RBM41: variants seen among roughly 807,000 people sequenced by gnomAD.
The protein encoded by RBM41 is RNA-binding protein 41.
Under a neutral mutation model 30.8 loss-of-function variants are expected in RBM41, and 14 were observed. That is an observed-to-expected ratio of 0.45 (90% CI 0.30 to 0.71). RBM41 has a LOEUF of 0.71. Among genes scored for constraint, RBM41 ranks in the 30% least tolerant of loss-of-function variants. The probability of loss-of-function intolerance (pLI) is 0.08; values close to 1 mark genes in which losing one functional copy is unlikely to be tolerated. For missense variants in RBM41, 276 were observed against 326.3 expected (o/e 0.85, Z 1.19); for synonymous variants, 120 against 110.1 (o/e 1.09, Z -0.56).
At chrX:107,073,591 C>T (rs925104829) in intron 6 of RBM41, among the ~76,000 whole-genome samples, 1 of 111,434 alleles carries the variant, frequency 9.0e-6, no homozygotes, top group African/African-American at 3.3e-5. Context: ...GGTTCCTCAA[C>T]AAACTACAAA....
At chrX:107,077,795 A>AT (rs1455027757) in intron 6 of RBM41, among the ~76,000 whole-genome samples, 1 of 111,695 alleles carries the variant, frequency 9.0e-6, no homozygotes, top group Non-Finnish European at 1.9e-5. Context: ...CTACAGCTAC[A>AT]TTTTTAAAAA....
chrX:107,113,551 G>C, intron 4 of RBM41, 83 bp from the exon 5 acceptor site: 2 of 960,356 alleles, frequency 2.1e-6, no homozygotes, highest in Non-Finnish European at 2.7e-6. Context: ...CCAAATACCA[G>C]GTACTGCTTT....
intron 7 of RBM41, among the ~76,000 whole-genome samples, chrX:107,068,748 A>G (rs201355523): frequency 8.9e-6 from 1 of 111,972 alleles, no homozygotes; most frequent in East Asian, 2.8e-4. Flanking sequence ...TGTCATAGAA[A>G]CTGAAATTTG....
In RBM41 at chrX:107,115,517, G is replaced by A. The variant is rs752220032; in HGVS notation, c.358C>T (p.Arg120Cys). 11 of 1,211,081 alleles carry A rather than the reference G, an allele frequency of 9.1e-6. No homozygotes were observed. In the East Asian group the frequency reaches 1.5e-4, roughly 16 times the overall value. Residue 120 changes from arginine (R) to cysteine (C), a missense_variant, in exon 4 of 8, where the codon CGT becomes TGT. Coordinates refer to ENST00000685964, the MANE Select transcript of RBM41 (RefSeq NM_001324242.2). ...LRATPEAIQN[R>C]LQDIEERISE... ...ATCCTTTCTTCAATATCTTGAAGAC[G>A]GTTCTGTATTGCTTCAGGAGTTGCC... is the stretch of plus-strand genomic sequence containing the variant.
At chrX:107,113,969 C>T (rs1462221365) in intron 4 of RBM41, among the ~76,000 whole-genome samples, 1 of 111,520 alleles carries the variant, frequency 9.0e-6, no homozygotes, top group African/African-American at 3.3e-5. Flanking sequence ...CAACTGTCTC[C>T]TCAACATCTG....
At position 107,062,521 on chromosome X, in the gene RBM41, G is replaced by A. The variant is rs1177441955; in HGVS notation, c.*5006C>T. On this transcript the variant is annotated 3_prime_UTR_variant, in exon 8 of 8. Coordinates refer to ENST00000685964, the MANE Select transcript of RBM41 (RefSeq NM_001324242.2). Reference sequence around the variant, plus strand: ...TTAGAGTGTTAATCCTAAGTGAGCAGTATATCAAAGGAATAGGAGTTTGTC... The same window carrying A: ...TTAGAGTGTTAATCCTAAGTGAGCAATATATCAAAGGAATAGGAGTTTGTC... Among the ~76,000 whole-genome samples, 1 of 111,248 alleles carries A rather than the reference G, an allele frequency of 9.0e-6. No homozygotes were observed. Among genetic ancestry groups the A allele is most frequent in the African/African-American group, 3.3e-5 (1 of 30,585 alleles).
intron 5 of RBM41, among the ~76,000 whole-genome samples, chrX:107,101,885 G>T (rs1288011413): frequency 8.9e-6 from 1 of 111,873 alleles, no homozygotes; most frequent in Non-Finnish European, 1.9e-5. Context: ...GAGGCTGGAA[G>T]AATTTTGAGC....
downstream of RBM41, among the ~76,000 whole-genome samples, chrX:107,057,154 C>A (rs1239800968): frequency 9.0e-6 from 1 of 111,186 alleles, no homozygotes. Context: ...CAGACATGAG[C>A]CACTGTGCCC....
intron 1 of RBM41, 148 bp from the exon 2 acceptor site, chrX:107,116,914 G>A: frequency 1.8e-6 from 1 of 561,693 alleles, no homozygotes; most frequent in Non-Finnish European, 2.7e-6. Context: ...TTTAGTCCAT[G>A]AACACTTACT....
downstream of RBM41, among the ~76,000 whole-genome samples, chrX:107,059,985 G>T (rs1199076783): frequency 9.0e-6 from 1 of 110,782 alleles, no homozygotes; most frequent in Non-Finnish European, 1.9e-5. Flanking sequence ...TAATTCCAGT[G>T]CTAGGGTAGG....
chrX:107,060,213 G>C (rs1445651343), downstream of RBM41, among the ~76,000 whole-genome samples: 1 of 109,883 alleles, frequency 9.1e-6, no homozygotes, highest in African/African-American at 3.3e-5. Flanking sequence ...AAAATAAGCA[G>C]GAGATGGGAC....
chrX:107,085,264 T>TTC lies in RBM41; in HGVS notation c.999+3171_999+3172insGA, dbSNP rs199944115. Reference sequence around the variant, plus strand: ...GTTTTTCTTTTTTTTCTTTTTCTTTTTTTTTTTTTTTTGAGACAGAGTCTC... The same window carrying TTC: ...GTTTTTCTTTTTTTTCTTTTTCTTTTTCTTTTTTTTTTTTGAGACAGAGTCTC... On this transcript the variant is annotated intron_variant, in intron 6 of 7. Coordinates refer to ENST00000685964, the MANE Select transcript of RBM41 (RefSeq NM_001324242.2). 2.4e-3 allele frequency among the ~76,000 whole-genome samples: 194 copies of TTC among 81,309 alleles called. 1 individual carries two copies. The highest frequency in any genetic ancestry group is 0.01 in the African/African-American group (168 of 16,354). The allele number at this position is 81,309 out of a possible 115,157, so 70.6% of individuals were successfully genotyped here. A position where few individuals can be genotyped will look rare whatever the true frequency, so the allele number is the denominator to read the frequency against.
chrX:107,113,155 A>C (rs765668640), intron 5 of RBM41, among the ~76,000 whole-genome samples: 1 of 111,811 alleles, frequency 8.9e-6, no homozygotes, highest in African/African-American at 3.2e-5. Flanking sequence ...AAAATCATTA[A>C]GGTCAATTTA....
rs1048925028 is a variant in RBM41 at position 107,065,983 on chromosome X, C to T, written c.*1544G>A. Among the ~76,000 whole-genome samples the T allele has an allele frequency of 1.8e-5, 2 of 112,131 alleles. No individual in the cohort carries two copies. The highest frequency in any genetic ancestry group is 3.8e-5 in the Non-Finnish European group (2 of 53,123). ...ACTTGCTTTCAGGCTGAAGAACTTC[C>T]TTTTGTATTTCCAGCAAGTCAGGTC... On this transcript the variant is annotated 3_prime_UTR_variant, in exon 8 of 8. Coordinates refer to ENST00000685964, the MANE Select transcript of RBM41 (RefSeq NM_001324242.2).
Position 107,069,348 on chromosome X carries a change from A to G in RBM41, c.1054T>C (p.Leu352=). ...PRVTERDLVS[L]FARFQEKKGP... ...TTTTTCTCCTGGAACCGAGCGAACAATGACACAAGATCTCTTTCAGTCACC... is the reference window on the plus strand; with the variant it reads ...TTTTTCTCCTGGAACCGAGCGAACAGTGACACAAGATCTCTTTCAGTCACC... The change falls in exon 7 of 8, where the codon TTG becomes CTG. Residue 352 remains leucine, a synonymous_variant. Coordinates refer to ENST00000685964, the MANE Select transcript of RBM41 (RefSeq NM_001324242.2). The G allele has an allele frequency of 8.3e-7, 1 of 1,208,586 alleles. No individual in the cohort carries two copies. The highest frequency in any genetic ancestry group is 1.1e-6 in the Non-Finnish European group (1 of 892,935).
At position 107,062,595 on chromosome X, in the gene RBM41, G is replaced by C. The variant is rs1935678415; in HGVS notation, c.*4932C>G. ...CCAGAGTAGGCCTGACAAATATTCT[G>C]GAAGCCATGCCATTGGCAGAATATT... On this transcript the variant is annotated 3_prime_UTR_variant, in exon 8 of 8. Coordinates refer to ENST00000685964, the MANE Select transcript of RBM41 (RefSeq NM_001324242.2). Among the ~76,000 whole-genome samples, 1 of 109,998 alleles carries C rather than the reference G, an allele frequency of 9.1e-6. No individual in the cohort carries two copies. Among genetic ancestry groups the C allele is most frequent in the Non-Finnish European group, 1.9e-5 (1 of 52,715 alleles).
chrX:107,082,766 C>T (rs1921649988), intron 6 of RBM41, among the ~76,000 whole-genome samples: 1 of 110,731 alleles, frequency 9.0e-6, no homozygotes, highest in African/African-American at 3.3e-5. Context: ...TAAAACTATA[C>T]CACTTTATGG....
At chrX:107,069,130 C>G in intron 7 of RBM41, 125 bp downstream of exon 7, 1 of 618,726 alleles carries the variant, frequency 1.6e-6, no homozygotes. Flanking sequence ...ACATATTTTT[C>G]GTTCATTGTC....
intron 6 of RBM41, among the ~76,000 whole-genome samples, chrX:107,076,316 CAAATAAATAAAT>C (rs55848548): frequency 0.016 from 1,496 of 92,741 alleles, 39 homozygotes; most frequent in African/African-American, 0.053. Context: ...GACTCCGTCT[CAAATAAATAAAT>C]AAATAAATAA....
Sources: gnomAD v4.1 joint callset for allele counts (sites outside exome capture counted in the v4.1 genomes callset) on GRCh38, gnomAD v4.1.1 for gene constraint, MANE v1.5 for transcripts, NCBI Gene and HGNC (gene_info 2026-07-23, HGNC 2026-07-21) for gene names.